MVB12A: variants seen among roughly 807,000 people sequenced by gnomAD.
The protein encoded by MVB12A is multivesicular body subunit 12A, also known as CIN85/CD2AP family binding protein.
MVB12A carries 30 observed loss-of-function variants against 34.3 expected under a neutral mutation model. The observed-to-expected ratio is 0.88, with a 90% CI of 0.65 to 1.19. MVB12A has a LOEUF of 1.19. MVB12A is among the 50% of genes most tolerant of loss of function. The pLI is 0.00. For synonymous variants in MVB12A, 158 were observed against 158.9 expected, an observed-to-expected ratio of 0.99 and a Z score of 0.04; for missense variants, 355 against 369.2, an observed-to-expected ratio of 0.96 and a Z score of 0.31.
At chr19:17,406,322 AT>A (rs1409029812) in intron 2 of MVB12A, 1 of 152,148 alleles carries the variant, frequency 6.6e-6, no homozygotes, top group Non-Finnish European at 1.5e-5. Context: ...CTGTTTCTTC[AT>A]CTGCAAAGGG....
At chr19:17,411,049 A>C (rs2074766260) in intron 2 of MVB12A, among the ~76,000 whole-genome samples, 1 of 145,644 alleles carries the variant, frequency 6.9e-6, no homozygotes. Flanking sequence ...ACTCACTGCA[A>C]CCTCCAACTC....
upstream of MVB12A, chr19:17,420,016 C>CGGGGGGGGG: frequency 6.9e-6 from 2 of 290,382 alleles, no homozygotes; most frequent in Non-Finnish European, 1.1e-5. Flanking sequence ...GCAATCTCCG[C>CGGGGGGGGG]CCCCCCCCCC....
chr19:17,425,164 G>C lies in MVB12A; in HGVS notation c.*171G>C, dbSNP rs571196353. On this transcript the variant is annotated 3_prime_UTR_variant, in exon 9 of 9. Transcript: ENST00000317040. ...TGGGCGGAGCTGCAGCCCTGGAGGAGGGGGCGGGTCGAGGCTGCGTGGTGA... is the reference window on the plus strand; with the variant it reads ...TGGGCGGAGCTGCAGCCCTGGAGGACGGGGCGGGTCGAGGCTGCGTGGTGA... The C allele has an allele frequency of 4.5e-3, 2,561 of 565,872 alleles. 14 individuals are homozygous for C. Among genetic ancestry groups the C allele is most frequent in the Non-Finnish European group, 6.8e-3 (2,166 of 320,702 alleles). 35.1% of individuals were successfully genotyped at this position (565,872 alleles called of 1,614,324 possible).
chr19:17,420,814 T>G, intron 3 of MVB12A, 180 bp downstream of exon 3: 1 of 640,976 alleles, frequency 1.6e-6, no homozygotes, highest in Non-Finnish European at 2.8e-6. Context: ...CTGTCCTGAT[T>G]CAAAATGTGT....
intron 4 of MVB12A, 66 bp from the exon 5 acceptor site, chr19:17,423,432 A>T: frequency 6.4e-7 from 1 of 1,550,392 alleles, no homozygotes; most frequent in Non-Finnish European, 8.7e-7. Flanking sequence ...CGCCTTCTCC[A>T]GGGGCTATCC....
chr19:17,411,261 C>T (rs968947018), intron 2 of MVB12A, among the ~76,000 whole-genome samples: 7 of 151,994 alleles, frequency 4.6e-5, no homozygotes, highest in Non-Finnish European at 8.8e-5. Context: ...CCACCGTGCC[C>T]GGCCAACATT....
rs1188458083 is a variant in MVB12A at position 17,424,990 on chromosome 19, A to G, written c.819A>G (p.Ser273=). Residue 273 remains serine, a synonymous_variant, in exon 9 of 9, where the codon TCA becomes TCG. Coordinates refer to ENST00000317040, the MANE Select transcript of MVB12A (RefSeq NM_138401.4). ...CTGCCCGCCTGCCCCCCAGCGTCTC[A>G]TAGTCCCTCACCCTTCCGCGGAAAG... ...TAAARLPPSV[S] 2 of 1,603,148 alleles carry G rather than the reference A, an allele frequency of 1.2e-6. No individual in the cohort carries two copies. The highest frequency in any genetic ancestry group is 1.7e-6 in the Non-Finnish European group (2 of 1,173,092).
intron 4 of MVB12A, 132 bp from the exon 5 acceptor site, chr19:17,423,360 CAAAAAA>C: frequency 1.1e-4 from 96 of 889,910 alleles, no homozygotes; most frequent in Middle Eastern, 3.8e-4. Context: ...ACTCCGTCCC[CAAAAAA>C]AAAAAAAAAA....
intron 2 of MVB12A, chr19:17,414,743 T>A (rs975263997): frequency 3.3e-5 from 5 of 151,508 alleles, no homozygotes; most frequent in Non-Finnish European, 7.4e-5. Context: ...GTGGCGTGTG[T>A]CTATAATCCC....
rs148186056 is a variant in MVB12A at position 17,414,812 on chromosome 19, T to C, written c.-5+8516T>C. The C allele has an allele frequency of 5.8e-3, 879 of 152,430 alleles. 7 individuals carry two copies. The highest frequency in any genetic ancestry group is 0.044 in the Middle Eastern group (13 of 296). 9.4% of individuals were successfully genotyped at this position (152,430 alleles called of 1,614,324 possible). ...TGAACCTGGGAGGTGGAGGCTACAG[T>C]GAGCTGAGATCATGCCACTGCACTC... On this transcript the variant is annotated intron_variant, in intron 2 of 6. Coordinates refer to the MVB12A transcript ENST00000528604.
chr19:17,422,779 T>C (rs1213274718), intron 4 of MVB12A: 1 of 159,790 alleles, frequency 6.3e-6, no homozygotes, highest in Non-Finnish European at 1.4e-5. Flanking sequence ...TGAAACCCCA[T>C]CTCTACTGAA....
At chr19:17,423,873 G>A in intron 6 of MVB12A, 74 bp downstream of exon 6, 1 of 1,561,270 alleles carries the variant, frequency 6.4e-7, no homozygotes, top group South Asian at 1.1e-5. Flanking sequence ...AACCAGGAAG[G>A]ATCTTCCTAC....
upstream of MVB12A, chr19:17,420,035 C>G: frequency 2.3e-6 from 1 of 436,106 alleles, no homozygotes; most frequent in Non-Finnish European, 3.5e-6. Flanking sequence ...CCCGCATGGC[C>G]TTCTGGGAGT....
At chr19:17,412,207 T>A (rs2074773547) in intron 2 of MVB12A, among the ~76,000 whole-genome samples, 1 of 152,196 alleles carries the variant, frequency 6.6e-6, no homozygotes, top group South Asian at 2.1e-4. Context: ...AATTCCATCA[T>A]GGCGAACCAG....
Position 17,420,612 on chromosome 19 carries a change from C to T in MVB12A, c.264C>T (p.Pro88=), listed in dbSNP as rs771227568. ...DKSPLPLGFS[P]VCDPMDSKAS... is the part of the protein sequence containing the mutation. ...GCCCCCTGCCGCTGGGCTTCTCCCC[C>T]GTCTGCGACCCCATGGATTCCAGTA... The change falls in exon 3 of 9, where the codon CCC becomes CCT. Residue 88 remains proline, a synonymous_variant. Coordinates refer to ENST00000317040, the MANE Select transcript of MVB12A (RefSeq NM_138401.4). The T allele has an allele frequency of 3.1e-6, 5 of 1,612,812 alleles. No homozygotes were observed. Among genetic ancestry groups the T allele is most frequent in the Non-Finnish European group, 4.2e-6 (5 of 1,178,808 alleles).
At chr19:17,417,662 A>T (rs1050200030), upstream of MVB12A, 3 of 151,898 alleles carry the variant, frequency 2.0e-5, no homozygotes, top group Admixed American at 6.6e-5. Flanking sequence ...TAAATTAAAT[A>T]AAATAAAAAA....
At chr19:17,421,031 C>G (rs113428777) in intron 3 of MVB12A, 2 of 467,580 alleles carry the variant, frequency 4.3e-6, no homozygotes, top group Admixed American at 4.7e-5. Context: ...CTCCGTCCTC[C>G]GTCAGATGTC....
chr19:17,422,549 C>T (rs989063795), intron 4 of MVB12A, 91 bp downstream of exon 4: 5 of 1,274,236 alleles, frequency 3.9e-6, no homozygotes, highest in Non-Finnish European at 5.3e-6. Context: ...CCTGAGGTCT[C>T]CTGTTCCTTC....
Position 17,424,608 on chromosome 19 carries a change from C to T in MVB12A, c.703-13C>T, listed in dbSNP as rs768397682. 1.2e-6 allele frequency: 2 copies of T among 1,609,928 alleles called. No individual in the cohort carries two copies. Among genetic ancestry groups the T allele is most frequent in the Non-Finnish European group, 1.7e-6 (2 of 1,178,200 alleles). The stretch of plus-strand genomic sequence containing the variant: ...GAGATCGGGCCCAAGGCTGACCCAC[C>T]TCTGCCCGCCAGGCCTTCTCTGCTT... On this transcript the variant is annotated splice_polypyrimidine_tract_variant and intron_variant, in intron 7 of 8. Coordinates refer to ENST00000317040, the MANE Select transcript of MVB12A (RefSeq NM_138401.4).
Sources: allele counts gnomAD v4.1 joint callset (sites outside exome capture counted in the v4.1 genomes callset), GRCh38; gene constraint gnomAD v4.1.1; transcripts MANE v1.5; gene names NCBI Gene and HGNC (gene_info 2026-07-23, HGNC 2026-07-21).